The following SDK1 variants were observed in gnomAD, a reference collection of about 807,000 sequenced individuals.
The protein encoded by SDK1 is sidekick cell adhesion molecule 1.
In SDK1, 157 loss-of-function variants were observed where a neutral mutation model predicts 245.5. The ratio of observed to expected loss-of-function variants is 0.64; its 90% confidence interval spans 0.56 to 0.73. The LOEUF is 0.73. Ranked by LOEUF, SDK1 falls within the 30% of genes least tolerant of loss-of-function variation. The probability of loss-of-function intolerance (pLI) is 0.00; values close to 1 mark genes in which losing one functional copy is unlikely to be tolerated. For synonymous variants in SDK1, 1,647 were observed against 1,278.5 expected (o/e 1.29, Z -6.15); for missense variants, 3,583 against 3,002.3 (o/e 1.19, Z -4.52).
intron 5 of SDK1, among the ~76,000 whole-genome samples, chr7:3,922,415 C>T (rs1467694128): frequency 2.0e-5 from 3 of 152,218 alleles, no homozygotes; most frequent in African/African-American, 4.8e-5. Context: ...GCAAGAAAAC[C>T]AGTAAGTGCT....
chr7:3,594,219 C>G (rs1014555904), intron 1 of SDK1, among the ~76,000 whole-genome samples: 3 of 152,182 alleles, frequency 2.0e-5, no homozygotes, highest in African/African-American at 2.4e-5. Flanking sequence ...CGGTTTTTGT[C>G]ACTGACTTGT....
intron 1 of SDK1, among the ~76,000 whole-genome samples, chr7:3,567,054 G>A (rs959480145): frequency 3.9e-5 from 6 of 152,072 alleles, no homozygotes; most frequent in South Asian, 2.1e-4. Context: ...TCCCGGGTAC[G>A]CATCCTAGGA....
chr7:3,667,953 G>C (rs1373447731), intron 4 of SDK1, among the ~76,000 whole-genome samples: 1 of 152,180 alleles, frequency 6.6e-6, no homozygotes, highest in African/African-American at 2.4e-5. Context: ...ATTTTGCCCA[G>C]TTACATGCTT....
At chr7:3,501,787 G>T (rs895824984) in intron 1 of SDK1, among the ~76,000 whole-genome samples, 3 of 152,112 alleles carry the variant, frequency 2.0e-5, no homozygotes, top group African/African-American at 7.2e-5. Flanking sequence ...TGGACTATCA[G>T]TATGTTCTCA....
At chr7:4,250,559 G>A (rs921579699) in intron 44 of SDK1, among the ~76,000 whole-genome samples, 1 of 152,100 alleles carries the variant, frequency 6.6e-6, no homozygotes, top group Non-Finnish European at 1.5e-5. Context: ...TGGCCAGGCT[G>A]GTCTCGAACT....
intron 5 of SDK1, among the ~76,000 whole-genome samples, chr7:3,876,867 GC>G (rs1292612561): frequency 6.6e-6 from 1 of 152,138 alleles, no homozygotes; most frequent in Non-Finnish European, 1.5e-5. Flanking sequence ...TCACACAGGG[GC>G]CCCAAAATAA....
intron 35 of SDK1, among the ~76,000 whole-genome samples, chr7:4,195,501 C>T (rs1052671218): frequency 7.9e-5 from 12 of 152,186 alleles, no homozygotes; most frequent in Admixed American, 2.0e-4. Context: ...TGAGTCCCCT[C>T]CCGCCTGGGA....
intron 1 of SDK1, among the ~76,000 whole-genome samples, chr7:3,410,604 G>A (rs1426995415): frequency 2.6e-5 from 1 of 38,318 alleles, no homozygotes. Context: ...TTTTTTTTTT[G>A]GAGAAGGAGT....
chr7:3,804,770 G>T (rs1379566035), intron 4 of SDK1, among the ~76,000 whole-genome samples: 1 of 152,160 alleles, frequency 6.6e-6, no homozygotes, highest in Non-Finnish European at 1.5e-5. Context: ...TACAAGTTCT[G>T]TACGTATTTG....
chr7:3,699,719 T>C (rs1307720463), intron 4 of SDK1, among the ~76,000 whole-genome samples: 1 of 152,144 alleles, frequency 6.6e-6, no homozygotes, highest in African/African-American at 2.4e-5. Context: ...TGAAGAATTA[T>C]TCAAAGAAAT....
intron 1 of SDK1, among the ~76,000 whole-genome samples, chr7:3,405,507 C>T (rs1332028272): frequency 6.6e-6 from 1 of 152,180 alleles, no homozygotes; most frequent in African/African-American, 2.4e-5. Context: ...CTCTCTCTAG[C>T]TCCCCCAAAA....
chr7:3,652,665 C>T (rs1203120464), intron 4 of SDK1, among the ~76,000 whole-genome samples: 1 of 152,096 alleles, frequency 6.6e-6, no homozygotes. Flanking sequence ...GGAAACATGC[C>T]AGACTTATGG....
chr7:4,113,453 A>C lies in SDK1; in HGVS notation c.3585+14A>C. The stretch of plus-strand genomic sequence containing the variant: ...CTTCGCTGGGTGGTGAGTGGGGGTG[A>C]GAAGGGAGGCTGGAGGCACACGGGT... On this transcript the variant is annotated intron_variant, in intron 24 of 44. Coordinates refer to ENST00000404826, the MANE Select transcript of SDK1 (RefSeq NM_152744.4). 1 of 1,613,014 alleles carries C rather than the reference A, an allele frequency of 6.2e-7. No homozygotes were observed. The highest frequency in any genetic ancestry group is 8.5e-7 in the Non-Finnish European group (1 of 1,179,788).
intron 4 of SDK1, among the ~76,000 whole-genome samples, chr7:3,686,096 A>G (rs1219958511): frequency 6.6e-6 from 1 of 152,096 alleles, no homozygotes; most frequent in Non-Finnish European, 1.5e-5. Context: ...ATTTTTTGAG[A>G]TGGAGTTTTG....
intron 1 of SDK1, among the ~76,000 whole-genome samples, chr7:3,604,777 T>C (rs1157282755): frequency 2.0e-5 from 3 of 151,674 alleles, no homozygotes; most frequent in Admixed American, 2.0e-4. Flanking sequence ...TAATTTTGTA[T>C]TTTTAGGTGA....
At chr7:3,866,138 C>A (rs191643305) in intron 5 of SDK1, among the ~76,000 whole-genome samples, 1 of 152,274 alleles carries the variant, frequency 6.6e-6, no homozygotes, top group South Asian at 2.1e-4. Context: ...CCTTTCAGTT[C>A]TTGGGAGGCT....
intron 4 of SDK1, among the ~76,000 whole-genome samples, chr7:3,663,247 G>C (rs1005865467): frequency 2.6e-5 from 4 of 152,192 alleles, no homozygotes; most frequent in Admixed American, 2.6e-4. Flanking sequence ...GATATATAAT[G>C]ATAATAGTAC....
At chr7:3,481,978 A>G (rs1392689540) in intron 1 of SDK1, among the ~76,000 whole-genome samples, 5 of 152,058 alleles carry the variant, frequency 3.3e-5, no homozygotes, top group African/African-American at 1.2e-4. Context: ...TCACATCAAA[A>G]AGCAAAGCTT....
At chr7:3,925,157 C>G (rs551454169) in intron 5 of SDK1, among the ~76,000 whole-genome samples, 42 of 152,310 alleles carry the variant, frequency 2.8e-4, no homozygotes, top group African/African-American at 9.6e-4. Context: ...AGAGCTGTCC[C>G]ACAGCCTAGT....
Sources: gnomAD v4.1 joint callset for allele counts (sites outside exome capture counted in the v4.1 genomes callset) on GRCh38, gnomAD v4.1.1 for gene constraint, MANE v1.5 for transcripts, NCBI Gene and HGNC (gene_info 2026-07-23, HGNC 2026-07-21) for gene names.